The following PATL2 variants were observed in gnomAD, a reference collection of about 807,000 sequenced individuals.
PATL2 encodes the protein protein PAT1 homolog 2.
In PATL2, 73 loss-of-function variants were observed where a neutral mutation model predicts 77.0. That is an observed-to-expected ratio of 0.95 (90% CI 0.78 to 1.15). The LOEUF is 1.15. PATL2 is among the 50% of genes most tolerant of loss of function. PATL2 has a pLI of 0.00. For missense variants in PATL2, 618 were observed against 655.4 expected (o/e 0.94, Z 0.62); for synonymous variants, 265 against 257.1 (o/e 1.03, Z -0.29).
chr15:44,669,657 TA>T, intron 11 of PATL2, 94 bp from the exon 12 acceptor site: 2 of 1,516,458 alleles, frequency 1.3e-6, no homozygotes, highest in Admixed American at 4.0e-5. Flanking sequence ...CTGGAAAGGC[TA>T]GAAACAAAGT....
chr15:44,711,365 G>A, upstream of PATL2: 1 of 716,046 alleles, frequency 1.4e-6, no homozygotes, highest in South Asian at 1.6e-5. Context: ...AACATCACGA[G>A]ACTCTAAGAA....
chr15:44,673,675 TTGGG>T (rs1234650133), intron 6 of PATL2, among the ~76,000 whole-genome samples: 2 of 152,204 alleles, frequency 1.3e-5, no homozygotes, highest in African/African-American at 4.8e-5. Flanking sequence ...TAGTCTTCTC[TTGGG>T]CTGTCTTCAG....
chr15:44,675,429 C>T (rs907182051), intron 5 of PATL2, 57 bp downstream of exon 5: 9 of 1,474,560 alleles, frequency 6.1e-6, no homozygotes, highest in Non-Finnish European at 8.2e-6. Flanking sequence ...TTAGTGACAG[C>T]CTGTGAGCCA....
At chr15:44,685,816 A>G (rs1206156399) in intron 3 of PATL2, among the ~76,000 whole-genome samples, 1 of 152,194 alleles carries the variant, frequency 6.6e-6, no homozygotes, top group African/African-American at 2.4e-5. Context: ...AAAGAAGGGC[A>G]TTACATAATG....
chr15:44,668,082 G>C (rs982081725), intron 15 of PATL2, among the ~76,000 whole-genome samples: 3 of 152,218 alleles, frequency 2.0e-5, no homozygotes, highest in Admixed American at 2.0e-4. Flanking sequence ...CTGCTTTAGA[G>C]ACTCACATCA....
chr15:44,709,728 T>C (rs1160117880), intron 3 of PATL2, among the ~76,000 whole-genome samples: 1 of 152,188 alleles, frequency 6.6e-6, no homozygotes, highest in Non-Finnish European at 1.5e-5. Flanking sequence ...CTTTTTTCTA[T>C]CTGTACTGTT....
chr15:44,703,628 G>A (rs1490130802), intron 3 of PATL2, among the ~76,000 whole-genome samples: 1 of 150,218 alleles, frequency 6.7e-6, no homozygotes, highest in Non-Finnish European at 1.5e-5. Flanking sequence ...GGTTTCCATT[G>A]GAATGGAATA....
At chr15:44,703,915 C>T (rs1158590032) in intron 3 of PATL2, among the ~76,000 whole-genome samples, 1 of 151,326 alleles carries the variant, frequency 6.6e-6, no homozygotes, top group Non-Finnish European at 1.5e-5. Context: ...GTCTTCCTTT[C>T]TGTGAAGGTG....
intron 3 of PATL2, among the ~76,000 whole-genome samples, chr15:44,688,646 C>T (rs1023624604): frequency 1.3e-5 from 2 of 152,206 alleles, no homozygotes; most frequent in Non-Finnish European, 2.9e-5. Flanking sequence ...GTTGGGAAGA[C>T]TGGCTATCCA....
chr15:44,665,772 T>G lies in PATL2; in HGVS notation c.*181A>C. 2 of 1,484,200 alleles carry G rather than the reference T, an allele frequency of 1.3e-6. No homozygotes were observed. Among genetic ancestry groups the G allele is most frequent in the Non-Finnish European group, 9.0e-7 (1 of 1,112,336 alleles). The allele number at this position is 1,484,200 out of a possible 1,614,324, so 91.9% of individuals were successfully genotyped here. ...TTTAATTATACCTTATTATGCCATG[T>G]CTTATTTTTAGGCACATCATTTAGA... On this transcript the variant is annotated 3_prime_UTR_variant, in exon 18 of 18. Coordinates refer to ENST00000682850, the MANE Select transcript of PATL2 (RefSeq NM_001387263.1).
At position 44,690,727 on chromosome 15, in the gene PATL2, G is replaced by A. The variant is rs535024658; in HGVS notation, c.-75-14162C>T. 1.3e-4 allele frequency among the ~76,000 whole-genome samples: 20 copies of A among 152,128 alleles called. No homozygotes were observed. The South Asian group carries it at 1.5e-3, about 11-fold the overall frequency. On this transcript the variant is annotated intron_variant, in intron 3 of 17. Coordinates refer to ENST00000682850, the MANE Select transcript of PATL2 (RefSeq NM_001387263.1). The stretch of plus-strand genomic sequence containing the variant: ...TTTTTGTTGTTTCTGAAGATGTTAA[G>A]AGTTCAGAAAAAGAGATATTTATGT...
At chr15:44,673,418 A>G in intron 6 of PATL2, 41 bp from the exon 7 acceptor site, 1 of 1,548,126 alleles carries the variant, frequency 6.5e-7, no homozygotes, top group Non-Finnish European at 8.7e-7. Context: ...CGCCATCTCC[A>G]CCAAAAGAAT....
chr15:44,680,539 T>G (rs1304516011), intron 3 of PATL2, among the ~76,000 whole-genome samples: 1 of 152,186 alleles, frequency 6.6e-6, no homozygotes, highest in African/African-American at 2.4e-5. Flanking sequence ...GTCCAGACTC[T>G]CTTCCTGGAT....
Position 44,689,431 on chromosome 15 carries a change from G to A in PATL2, c.-75-12866C>T, listed in dbSNP as rs146373166. ...GCACAGCTATGTTTACTGCAGCACC[G>A]TTCACAACAGCAAAGACTTGGAACC... On this transcript the variant is annotated intron_variant, in intron 3 of 17. Transcript: ENST00000682850. 3.8e-3 allele frequency among the ~76,000 whole-genome samples: 585 copies of A among 152,184 alleles called. 25 individuals carry two copies. The East Asian group carries it at 0.089, about 23-fold the overall frequency.
At position 44,675,525 on chromosome 15, in the gene PATL2, A is replaced by G. The variant is rs2085909246; in HGVS notation, c.183T>C (p.Leu61=). 3 of 1,551,792 alleles carry G rather than the reference A, an allele frequency of 1.9e-6. No individual in the cohort carries two copies. In the East Asian group the frequency reaches 7.3e-5, roughly 38 times the overall value. Residue 61 remains leucine (L), a synonymous_variant, in exon 5 of 18, where the codon CTT becomes CTC. Transcript: ENST00000682850. ...CAGCACCAAGTACAGCTGGATCCCC[A>G]AGATCATTCTCTTCCTCCTCTAGGT... is the stretch of plus-strand genomic sequence containing the variant. ...DPDLEEEEND[L]GDPAVLGAVH... is the part of the protein sequence containing the mutation.
At chr15:44,669,753 T>C (rs1415261071) in intron 11 of PATL2, 24 bp downstream of exon 11, 151 of 1,549,822 alleles carry the variant, frequency 9.7e-5, no homozygotes, top group Non-Finnish European at 1.3e-4. Context: ...GAGAGAAAAA[T>C]GTCTGGGAAG....
chr15:44,703,714 CG>C (rs1424357838), intron 3 of PATL2, among the ~76,000 whole-genome samples: 30 of 130,402 alleles, frequency 2.3e-4, no homozygotes, highest in Non-Finnish European at 3.9e-4. Flanking sequence ...AACAAATCAC[CG>C]GGTCTTGCTT....
At chr15:44,674,486 G>A in intron 5 of PATL2, 1 of 422,306 alleles carries the variant, frequency 2.4e-6, no homozygotes, top group Non-Finnish European at 4.3e-6. Flanking sequence ...CCCAAGGGAT[G>A]CCTAGAACTG....
rs540624602 is a variant in PATL2 at position 44,673,697 on chromosome 15, G to A, written c.304-320C>T. Among the ~76,000 whole-genome samples the A allele has an allele frequency of 2.0e-4, 31 of 152,172 alleles. No homozygotes were observed. The South Asian group carries it at 5.0e-3, about 24-fold the overall frequency. Reference sequence around the variant, plus strand: ...CTCTTGGGCTGTCTTCAGCCGCTGGGGCAGTACTCATCTGTCTTTTCTGAC... The same window carrying A: ...CTCTTGGGCTGTCTTCAGCCGCTGGAGCAGTACTCATCTGTCTTTTCTGAC... On this transcript the variant is annotated intron_variant, in intron 6 of 17. Transcript: ENST00000682850.
Sources: gnomAD v4.1 joint callset for allele counts (sites outside exome capture counted in the v4.1 genomes callset) on GRCh38, gnomAD v4.1.1 for gene constraint, MANE v1.5 for transcripts, NCBI Gene and HGNC (gene_info 2026-07-23, HGNC 2026-07-21) for gene names.